The following KLHL1 variants were observed in gnomAD, a reference collection of about 807,000 sequenced individuals.
KLHL1 encodes the protein kelch like family member 1, also known as kelch-like protein 1.
Under a neutral mutation model 77.7 loss-of-function variants are expected in KLHL1, and 47 were observed. That is an observed-to-expected ratio of 0.60 (90% CI 0.48 to 0.77). The LOEUF (loss-of-function observed/expected upper bound fraction) is 0.77. Ranked by LOEUF, KLHL1 falls within the 30% of genes least tolerant of loss-of-function variation. The pLI is 0.00. For synonymous variants in KLHL1, 360 were observed against 325.2 expected (o/e 1.11, Z -1.15); for missense variants, 925 against 910.8 (o/e 1.02, Z -0.20).
At chr13:70,084,775 G>A (rs941679389) in intron 1 of KLHL1, among the ~76,000 whole-genome samples, 2 of 151,038 alleles carry the variant, frequency 1.3e-5, no homozygotes, top group Non-Finnish European at 3.0e-5. Context: ...GCGCCGGGCC[G>A]TCTATTTCAT....
chr13:70,101,883 AT>A, intron 1 of KLHL1, among the ~76,000 whole-genome samples: 1 of 151,678 alleles, frequency 6.6e-6, no homozygotes, highest in Middle Eastern at 3.4e-3. Flanking sequence ...CAAATAAGGT[AT>A]TATTTTTGCT....
In KLHL1 at chr13:69,896,514, T is replaced by C. The variant is rs117450285; in HGVS notation, c.1015-14019A>G. Among the ~76,000 whole-genome samples, 1,260 of 152,238 alleles carry C rather than the reference T, an allele frequency of 8.3e-3. 7 individuals are homozygous for C. Among genetic ancestry groups the C allele is most frequent in the Middle Eastern group, 0.024 (7 of 294 alleles). On this transcript the variant is annotated intron_variant, in intron 4 of 10. Coordinates refer to ENST00000377844, the MANE Select transcript of KLHL1 (RefSeq NM_020866.3). ...ATGTATCCATTTTTCATGCTTGTTA[T>C]TAAAAAAATAGTGCATGAAGCTGAT...
intron 4 of KLHL1, among the ~76,000 whole-genome samples, chr13:69,929,034 T>G (rs1593958556): frequency 6.6e-6 from 1 of 152,144 alleles, no homozygotes; most frequent in African/African-American, 2.4e-5. Context: ...ACATAACAGT[T>G]TTATTACTTA....
chr13:70,023,171 A>G (rs892875777), intron 1 of KLHL1, among the ~76,000 whole-genome samples: 5 of 151,964 alleles, frequency 3.3e-5, no homozygotes, highest in Non-Finnish European at 7.4e-5. Flanking sequence ...TTTAGAAAAT[A>G]TTCAAACATA....
Position 69,940,052 on chromosome 13 carries a change from G to C in KLHL1, c.1002C>G (p.His334Gln), listed in dbSNP as rs537405895. The C allele has an allele frequency of 8.7e-6, 14 of 1,605,574 alleles. No individual in the cohort carries two copies. The South Asian group carries it at 1.4e-4, about 17-fold the overall frequency. ...TAAGTTTCCTTACCATTGTGTAGCT[G>C]TGGGCCACCTTCATTAACTCAATGC... is the stretch of plus-strand genomic sequence containing the variant. ...QGCIELMKVAHSYTMENIMEV... is the reference protein window; with the variant it reads ...QGCIELMKVAQSYTMENIMEV... Residue 334 changes from histidine to glutamine, a missense_variant, in exon 4 of 11, where the codon CAC (histidine) becomes CAG (glutamine). Coordinates refer to ENST00000377844, the MANE Select transcript of KLHL1 (RefSeq NM_020866.3).
intron 6 of KLHL1, among the ~76,000 whole-genome samples, chr13:69,824,617 A>C (rs1878471053): frequency 6.6e-6 from 1 of 152,084 alleles, no homozygotes; most frequent in South Asian, 2.1e-4. Context: ...TTCCAAAAAT[A>C]ATATGCTAAT....
intron 1 of KLHL1, among the ~76,000 whole-genome samples, chr13:70,069,167 C>T (rs1461788553): frequency 6.6e-6 from 1 of 152,088 alleles, no homozygotes; most frequent in South Asian, 2.1e-4. Context: ...AGAAAGCTCC[C>T]ACAAGCCCCA....
At chr13:69,901,957 T>C (rs1159592008) in intron 4 of KLHL1, among the ~76,000 whole-genome samples, 1 of 151,976 alleles carries the variant, frequency 6.6e-6, no homozygotes, top group Non-Finnish European at 1.5e-5. Context: ...ACCACCTTGC[T>C]CAGCTAATTT....
chr13:69,725,760 G>A (rs1016222202), intron 8 of KLHL1, among the ~76,000 whole-genome samples: 2 of 152,116 alleles, frequency 1.3e-5, no homozygotes, highest in African/African-American at 4.8e-5. Context: ...CCTGTTCACT[G>A]TCCTGTAAGG....
At chr13:70,106,698 G>A (rs1203420675) in intron 1 of KLHL1, among the ~76,000 whole-genome samples, 1 of 152,112 alleles carries the variant, frequency 6.6e-6, no homozygotes, top group Non-Finnish European at 1.5e-5. Flanking sequence ...AAAAAGAGAG[G>A]TAAAATAATG....
chr13:69,948,784 C>T (rs1883611874), intron 3 of KLHL1, among the ~76,000 whole-genome samples: 1 of 151,938 alleles, frequency 6.6e-6, no homozygotes, highest in Non-Finnish European at 1.5e-5. Flanking sequence ...ATCCATCTTT[C>T]ATCTACAAAG....
At chr13:69,705,042 C>T (rs568885483) in intron 10 of KLHL1, among the ~76,000 whole-genome samples, 2 of 151,770 alleles carry the variant, frequency 1.3e-5, no homozygotes, top group African/African-American at 4.8e-5. Context: ...CTATACTAGT[C>T]TTTAGAGACA....
chr13:69,768,905 A>G (rs1246412083), intron 7 of KLHL1, among the ~76,000 whole-genome samples: 1 of 152,130 alleles, frequency 6.6e-6, no homozygotes, highest in African/African-American at 2.4e-5. Flanking sequence ...TAATGTTTCG[A>G]TTTATGATTT....
At chr13:70,101,959 A>AAC in intron 1 of KLHL1, among the ~76,000 whole-genome samples, 1 of 152,146 alleles carries the variant, frequency 6.6e-6, no homozygotes, top group East Asian at 1.9e-4. Flanking sequence ...GCAAAAAAAA[A>AAC]AAAACAAAGT....
At chr13:69,987,576 G>A (rs1884907681) in intron 1 of KLHL1, among the ~76,000 whole-genome samples, 1 of 151,812 alleles carries the variant, frequency 6.6e-6, no homozygotes, top group Non-Finnish European at 1.5e-5. Flanking sequence ...AAGGGAATGA[G>A]GGAAGGAGGG....
intron 4 of KLHL1, among the ~76,000 whole-genome samples, chr13:69,933,802 A>G (rs1883083307): frequency 6.6e-6 from 1 of 152,014 alleles, no homozygotes; most frequent in South Asian, 2.1e-4. Flanking sequence ...AAGGGGGAAA[A>G]AAAAATACTT....
chr13:69,903,627 A>ATTTTTTTTTTTTTT (rs1205848050), intron 4 of KLHL1, among the ~76,000 whole-genome samples: 1 of 40,234 alleles, frequency 2.5e-5, no homozygotes, highest in Non-Finnish European at 5.0e-5. Flanking sequence ...CCTTGTTCAC[A>ATTTTTTTTTTTTTT]TTCTTTTTTT....
At position 69,805,684 on chromosome 13, in the gene KLHL1, A is replaced by C. The variant is rs138916663; in HGVS notation, c.1415-8722T>G. Among the ~76,000 whole-genome samples the C allele has an allele frequency of 8.7e-3, 1,309 of 150,972 alleles. 10 individuals are homozygous for C. Among genetic ancestry groups the C allele is most frequent in the African/African-American group, 0.03 (1,246 of 41,470 alleles). ...CAAGGTCAGTACCAGCTCTAGATGA[A>C]AAAAAACAAAAAAAAAAACAAAACA... On this transcript the variant is annotated intron_variant, in intron 6 of 10. Transcript: ENST00000377844.
intron 2 of KLHL1, among the ~76,000 whole-genome samples, chr13:69,973,106 G>C (rs17085855): frequency 0.028 from 4,255 of 151,888 alleles, 99 homozygotes; most frequent in African/African-American, 0.062. Context: ...ATATTAATGG[G>C]TTATCTGAAA....
Sources: allele counts gnomAD v4.1 joint callset (sites outside exome capture counted in the v4.1 genomes callset), GRCh38; gene constraint gnomAD v4.1.1; transcripts MANE v1.5; gene names NCBI Gene and HGNC (gene_info 2026-07-23, HGNC 2026-07-21).